OR3A2: variants seen among roughly 807,000 people sequenced by gnomAD.
OR3A2 encodes the protein olfactory receptor 3A2.
For synonymous variants in OR3A2, 126 were observed against 159.3 expected, an observed-to-expected ratio of 0.79 and a Z score of 1.57; for missense variants, 318 against 392.8, an observed-to-expected ratio of 0.81 and a Z score of 1.61.
chr17:3,283,348 T>G (rs1251497123), intron 1 of OR3A2, among the ~76,000 whole-genome samples: 1 of 152,014 alleles, frequency 6.6e-6, no homozygotes, highest in Non-Finnish European at 1.5e-5. Flanking sequence ...GCCTCAGCCT[T>G]CTGAGTAGCT....
chr17:3,310,392 C>A, intron 3 of OR3A2: 1 of 535,086 alleles, frequency 1.9e-6, no homozygotes, highest in Non-Finnish European at 3.8e-6. Context: ...AGCTCTACAG[C>A]CCATCCTCTT....
intron 3 of OR3A2, among the ~76,000 whole-genome samples, chr17:3,306,602 T>C (rs746258055): frequency 2.0e-5 from 3 of 150,012 alleles, no homozygotes; most frequent in Non-Finnish European, 4.4e-5. Flanking sequence ...GTGTGTGTAG[T>C]CTAGTGACGC....
chr17:3,316,257 C>T (rs576738182), intron 3 of OR3A2, among the ~76,000 whole-genome samples: 1 of 152,318 alleles, frequency 6.6e-6, no homozygotes, highest in South Asian at 2.1e-4. Flanking sequence ...GCCCAGCCAT[C>T]CTAACTGAGA....
chr17:3,348,396 G>A (rs76516835), intron 2 of OR3A2, among the ~76,000 whole-genome samples: 1,749 of 151,982 alleles, frequency 0.012, 34 homozygotes, highest in African/African-American at 0.039. Context: ...GAAGCCTCAG[G>A]AGCCGATGCG....
chr17:3,280,125 G>A (rs1056187488), intron 1 of OR3A2, among the ~76,000 whole-genome samples: 5 of 152,080 alleles, frequency 3.3e-5, no homozygotes, highest in Non-Finnish European at 5.9e-5. Context: ...GTTGGTTGCC[G>A]CCAGGTGCAG....
chr17:3,314,324 T>C (rs551369856), intron 3 of OR3A2, among the ~76,000 whole-genome samples: 1 of 152,166 alleles, frequency 6.6e-6, no homozygotes, highest in East Asian at 1.9e-4. Flanking sequence ...TGTCTTTCCT[T>C]AATTCATCTT....
intron 3 of OR3A2, among the ~76,000 whole-genome samples, chr17:3,296,256 G>A (rs566336715): frequency 6.6e-6 from 1 of 152,104 alleles, no homozygotes; most frequent in African/African-American, 2.4e-5. Flanking sequence ...AACAGAGAAT[G>A]AAAACTAAAA....
chr17:3,372,790 G>T (rs368830669), intron 2 of OR3A2, among the ~76,000 whole-genome samples: 145 of 150,418 alleles, frequency 9.6e-4, no homozygotes, highest in Non-Finnish European at 1.8e-3. Flanking sequence ...TCCAGCTTCG[G>T]CTCGGCATCA....
At chr17:3,290,671 T>C (rs2048857347) in intron 3 of OR3A2, among the ~76,000 whole-genome samples, 3 of 152,332 alleles carry the variant, frequency 2.0e-5, no homozygotes, top group South Asian at 2.1e-4. Context: ...AGCGAAATCA[T>C]GGCTGGTTTA....
At chr17:3,372,035 CT>C (rs2049632157) in intron 2 of OR3A2, among the ~76,000 whole-genome samples, 6 of 121,190 alleles carry the variant, frequency 5.0e-5, no homozygotes, top group African/African-American at 2.1e-4. Context: ...TACGGGGCGG[CT>C]GCCGGGCGGA....
chr17:3,369,481 C>G (rs1433548491), intron 2 of OR3A2, among the ~76,000 whole-genome samples: 2 of 152,162 alleles, frequency 1.3e-5, no homozygotes, highest in East Asian at 3.9e-4. Context: ...TTTTCTGCAT[C>G]TATTGAGATG....
At chr17:3,308,673 G>A (rs2049016766) in intron 3 of OR3A2, among the ~76,000 whole-genome samples, 1 of 152,088 alleles carries the variant, frequency 6.6e-6, no homozygotes, top group African/African-American at 2.4e-5. Context: ...TGAGTTTGAG[G>A]TAATGGTAAG....
At chr17:3,279,013 C>T in intron 1 of OR3A2, 63 bp downstream of exon 4, 3 of 1,549,180 alleles carry the variant, frequency 1.9e-6, no homozygotes, top group Non-Finnish European at 2.6e-6. Flanking sequence ...GTTCAAAGCC[C>T]CGTGGCGAGT....
At chr17:3,291,044 G>C (rs1221996132) in intron 3 of OR3A2, 2 of 152,212 alleles carry the variant, frequency 1.3e-5, no homozygotes, top group Non-Finnish European at 2.9e-5. Flanking sequence ...AGGTGCTCCA[G>C]AATTACTAGA....
chr17:3,339,219 A>G (rs981265050), intron 2 of OR3A2, among the ~76,000 whole-genome samples: 4 of 152,232 alleles, frequency 2.6e-5, no homozygotes, highest in African/African-American at 9.6e-5. Context: ...GCAAACAGGA[A>G]GACTTTTACT....
chr17:3,310,769 C>T (rs1300996909), intron 3 of OR3A2: 1 of 577,380 alleles, frequency 1.7e-6, no homozygotes, highest in Admixed American at 1.9e-5. Flanking sequence ...TGTCATGTGT[C>T]TTTTCCTTCA....
chr17:3,380,134 C>T (rs968952639), intron 2 of OR3A2, among the ~76,000 whole-genome samples: 1 of 152,192 alleles, frequency 6.6e-6, no homozygotes, highest in Non-Finnish European at 1.5e-5. Flanking sequence ...GCTGTAACTC[C>T]CCCTTTGCCT....
chr17:3,345,440 T>TAG (rs10670037), intron 2 of OR3A2, among the ~76,000 whole-genome samples: 1 of 150,724 alleles, frequency 6.6e-6, no homozygotes, highest in East Asian at 1.9e-4. Flanking sequence ...GAGAGAGAGA[T>TAG]AGAGACAGAG....
At chr17:3,317,202 G>GGACTCTTCGT (rs370856133) in intron 3 of OR3A2, among the ~76,000 whole-genome samples, 2,355 of 152,272 alleles carry the variant, frequency 0.015, 66 homozygotes, top group African/African-American at 0.053. Flanking sequence ...CAGTGAGCCA[G>GGACTCTTCGT]GAAGAGACGT....
Sources: gnomAD v4.1 joint callset for allele counts (sites outside exome capture counted in the v4.1 genomes callset) on GRCh38, gnomAD v4.1.1 for gene constraint, MANE v1.5 for transcripts, NCBI Gene and HGNC (gene_info 2026-07-23, HGNC 2026-07-21) for gene names.